The following TCF20 variants were observed in gnomAD, a reference collection of about 807,000 sequenced individuals.
TCF20 encodes the protein SPRE-binding protein.
A neutral mutation model predicts 148.6 loss-of-function variants in TCF20; 3 were observed. The ratio of observed to expected loss-of-function variants is 0.02; its 90% CI spans 0.01 to 0.05. The LOEUF (loss-of-function observed/expected upper bound fraction) is 0.05, where lower values mean the gene tolerates loss of function less well. TCF20 is among the 10% of genes least tolerant of loss of function. The pLI is 1.00. For synonymous variants in TCF20, 1,049 were observed against 909.5 expected, an observed-to-expected ratio of 1.15 and a Z score of -2.76; for missense variants, 2,350 against 2,429.3, an observed-to-expected ratio of 0.97 and a Z score of 0.69.
intron 2 of TCF20, among the ~76,000 whole-genome samples, chr22:42,187,051 CAG>C (rs1046744789): frequency 1.2e-4 from 19 of 152,214 alleles, no homozygotes; most frequent in Non-Finnish European, 2.6e-4. Context: ...CTGCCTGCAT[CAG>C]AGTCACCTGC....
chr22:42,256,606 T>C (rs1300618051), intron 1 of TCF20, among the ~76,000 whole-genome samples: 4 of 152,086 alleles, frequency 2.6e-5, no homozygotes, highest in Non-Finnish European at 4.4e-5. Context: ...CAAGAGAAGA[T>C]GAAAATCCTA....
chr22:42,283,672 C>T (rs866969710), intron 1 of TCF20, among the ~76,000 whole-genome samples: 53 of 152,012 alleles, frequency 3.5e-4, no homozygotes, highest in African/African-American at 1.2e-3. Flanking sequence ...CCGGGAGGCC[C>T]CTGCCCAGCC....
Position 42,212,280 on chromosome 22 carries a change from T to C in TCF20, c.3026A>G (p.Tyr1009Cys). ...EGMRGRSPSQ[Y>C]HDFAEKLKMS... is the part of the protein sequence containing the mutation. The stretch of plus-strand genomic sequence containing the variant: ...TTTCAATTTTTCTGCAAAGTCATGA[T>C]ATTGAGAAGGGGACCGACCCCTCAT... The change falls in exon 2 of 6, where the codon TAT (tyrosine) becomes TGT (cysteine). Residue 1009 changes from tyrosine (Y) to cysteine (C), a missense_variant. Physicochemically the swap from Tyr to Cys is radical, Grantham distance 194 (BLOSUM62 -2). This residue lies in a region of TCF20 where 1,641 missense variants were observed against 1,662.6 expected (regional missense o/e 0.99). Coordinates refer to ENST00000677622, the MANE Select transcript of TCF20 (RefSeq NM_001378418.1). 2 of 1,614,158 alleles carry C rather than the reference T, an allele frequency of 1.2e-6. No individual in the cohort carries two copies. Among genetic ancestry groups the C allele is most frequent in the Non-Finnish European group, 1.7e-6 (2 of 1,180,016 alleles).
chr22:42,213,320 C>CCCT lies in TCF20; in HGVS notation c.1983_1985dup (p.Gly662dup), dbSNP rs1468586244. The stretch of plus-strand genomic sequence containing the variant: ...TATCGCCATTCTTGTTTCCTTTGCT[C>CCCT]CCTCCTCCTCCTGGAGGCTCTGGCT... On this transcript the variant is annotated inframe_insertion, in exon 2 of 6. Coordinates refer to ENST00000677622, the MANE Select transcript of TCF20 (RefSeq NM_001378418.1). 1.9e-6 allele frequency: 3 copies of CCCT among 1,614,016 alleles called. No individual in the cohort carries two copies. The highest frequency in any genetic ancestry group is 2.5e-6 in the Non-Finnish European group (3 of 1,180,042).
At chr22:42,224,078 G>C (rs983094376) in intron 1 of TCF20, among the ~76,000 whole-genome samples, 1 of 152,102 alleles carries the variant, frequency 6.6e-6, no homozygotes, top group Admixed American at 6.5e-5. Context: ...TGCTTTCTGG[G>C]TGTCAAAACT....
chr22:42,185,055 T>C (rs533977171), intron 2 of TCF20, among the ~76,000 whole-genome samples: 2 of 152,346 alleles, frequency 1.3e-5, no homozygotes, highest in South Asian at 2.1e-4. Flanking sequence ...GCCTGATGCC[T>C]GCTCATTCAC....
At chr22:42,176,016 G>A (rs1325351442) in intron 3 of TCF20, among the ~76,000 whole-genome samples, 9 of 151,484 alleles carry the variant, frequency 5.9e-5, no homozygotes, top group South Asian at 2.1e-4. Flanking sequence ...GGCTGGTCTC[G>A]AACTCCTGGG....
intron 2 of TCF20, among the ~76,000 whole-genome samples, chr22:42,209,446 G>A (rs1175008312): frequency 6.6e-6 from 1 of 152,102 alleles, no homozygotes; most frequent in Non-Finnish European, 1.5e-5. Context: ...TGCTTCATAA[G>A]CATTATACAT....
At chr22:42,226,568 G>A (rs1052061699) in intron 1 of TCF20, among the ~76,000 whole-genome samples, 13 of 151,966 alleles carry the variant, frequency 8.6e-5, no homozygotes, top group Admixed American at 7.9e-4. Context: ...GGCCACATAC[G>A]GTGGCGGAAA....
At position 42,211,857 on chromosome 22, in the gene TCF20, C is replaced by T; in HGVS notation, c.3449G>A (p.Gly1150Glu). ...CTGGGCACTGGGGTCATGGTAAGTC[C>T]CCACTGGTGGGCCATACATCATACC... ...KDGMMYGPPV[G>E]TYHDPSAQEA... Residue 1150 changes from glycine to glutamate, a missense_variant, in exon 2 of 6, where the codon GGG (glycine) becomes GAG (glutamate). Physicochemically the swap from Gly to Glu is moderately conservative, Grantham distance 98 (BLOSUM62 -2). Coordinates refer to ENST00000677622, the MANE Select transcript of TCF20 (RefSeq NM_001378418.1). 1 of 1,614,164 alleles carries T rather than the reference C, an allele frequency of 6.2e-7. No homozygotes were observed. The highest frequency in any genetic ancestry group is 1.1e-5 in the South Asian group (1 of 91,076).
chr22:42,310,753 T>C (rs1461207297), intron 1 of TCF20, among the ~76,000 whole-genome samples: 1 of 152,008 alleles, frequency 6.6e-6, no homozygotes, highest in Non-Finnish European at 1.5e-5. Flanking sequence ...GTCTGGAAAG[T>C]TGCAAATTCC....
Position 42,214,113 on chromosome 22 carries a change from C to T in TCF20, c.1193G>A (p.Cys398Tyr). 1.2e-6 allele frequency: 2 copies of T among 1,614,202 alleles called. No homozygotes were observed. The highest frequency in any genetic ancestry group is 1.3e-5 in the African/African-American group (1 of 75,044). The change falls in exon 2 of 6, where the codon TGT becomes TAT. Residue 398 changes from cysteine (C) to tyrosine (Y), a missense_variant. Coordinates refer to ENST00000677622, the MANE Select transcript of TCF20 (RefSeq NM_001378418.1). ...ACCCATAGGCACACTGCCTTGCCCA[C>T]ACTGGAGATTCTCCCCAGTCTGCAT... ...PLMQTGENLQ[C>Y]GQGSVPMGSR...
At chr22:42,199,706 C>CAAAAAAAAAAAAA (rs59845847) in intron 2 of TCF20, among the ~76,000 whole-genome samples, 2 of 33,868 alleles carry the variant, frequency 5.9e-5, no homozygotes, top group African/African-American at 1.0e-4. Context: ...CCCATCTCTA[C>CAAAAAAAAAAAAA]AAAAAAAAAA....
upstream of TCF20, among the ~76,000 whole-genome samples, chr22:42,273,453 A>G (rs1455989298): frequency 1.3e-5 from 2 of 151,506 alleles, no homozygotes; most frequent in Non-Finnish European, 2.9e-5. Flanking sequence ...ACAAAAGGAC[A>G]TGAGTAGACT....
At chr22:42,324,029 TGATGGA>T (rs1358245079) in intron 1 of TCF20, among the ~76,000 whole-genome samples, 8 of 143,820 alleles carry the variant, frequency 5.6e-5, no homozygotes, top group South Asian at 2.2e-4. Flanking sequence ...GTGGTGGTGG[TGATGGA>T]GGTTATGGTG....
At position 42,300,930 on chromosome 22, in the gene TCF20, C is replaced by G. The variant is rs139144860; in HGVS notation, c.-37+42549G>C. ...CATTCTTCTGTTGCTCCCCAAGGCC[C>G]TGAGTCAGCCTTAACCCCACCTTCA... On this transcript the variant is annotated intron_variant, in intron 1 of 1. Transcript: ENST00000515426. Among the ~76,000 whole-genome samples the G allele has an allele frequency of 8.5e-5, 13 of 152,254 alleles. No homozygotes were observed. The East Asian group carries it at 2.5e-3, about 29-fold the overall frequency.
chr22:42,160,881 C>T lies in TCF20; in HGVS notation c.*522G>A, dbSNP rs1273452103. On this transcript the variant is annotated 3_prime_UTR_variant, in exon 6 of 6. Coordinates refer to ENST00000677622, the MANE Select transcript of TCF20 (RefSeq NM_001378418.1). ...TGAGACAGGCTAAAGATCAACGCCA[C>T]ACACACACCCCGTCCTTCATGAGAT... The T allele has an allele frequency of 6.5e-6, 1 of 153,418 alleles. No individual in the cohort carries two copies. The highest frequency in any genetic ancestry group is 1.4e-5 in the Non-Finnish European group (1 of 68,998). The allele number at this position is 153,418 out of a possible 1,614,324, so 9.5% of individuals were successfully genotyped here. A position where few individuals can be genotyped will look rare whatever the true frequency, so the allele number is the denominator to read the frequency against.
chr22:42,302,446 TC>T (rs1190396829), intron 1 of TCF20, among the ~76,000 whole-genome samples: 1 of 151,852 alleles, frequency 6.6e-6, no homozygotes, highest in Non-Finnish European at 1.5e-5. Context: ...CTCAAAGAGC[TC>T]CCACCCCACC....
At position 42,219,355 on chromosome 22, in the gene TCF20, CAAAAAA is replaced by C. The variant is rs528664836; in HGVS notation, c.-36-4020_-36-4015del. Among the ~76,000 whole-genome samples the C allele has an allele frequency of 2.6e-3, 112 of 43,564 alleles. 1 individual carries two copies. The highest frequency in any genetic ancestry group is 5.1e-3 in the South Asian group (5 of 978). The allele number at this position is 43,564 out of a possible 152,430, so 28.6% of individuals were successfully genotyped here. ...ACCCTGGGTGACAGTAACCCTGTCT[CAAAAAA>C]AAAAAAAAAAAAAAAAAAAAGCTAA... On this transcript the variant is annotated intron_variant, in intron 1 of 5. Transcript: ENST00000677622.
Sources: gnomAD v4.1 joint callset for allele counts (sites outside exome capture counted in the v4.1 genomes callset) on GRCh38, gnomAD v4.1.1 for gene constraint, gnomAD v4.1.1 regional missense constraint, MANE v1.5 for transcripts, NCBI Gene and HGNC (gene_info 2026-07-23, HGNC 2026-07-21) for gene names.